The following LAMB3 variants were observed in gnomAD, a reference collection of about 807,000 sequenced individuals.
The protein encoded by LAMB3 is laminin subunit beta 3, also known as laminin subunit beta-3.
LAMB3 carries 104 observed loss-of-function variants against 140.3 expected under a neutral mutation model. That is an observed-to-expected ratio of 0.74 (90% CI 0.63 to 0.87). The LOEUF (loss-of-function observed/expected upper bound fraction) is 0.87, where lower values mean the gene tolerates loss of function less well. Ranked by LOEUF, LAMB3 falls within the 40% of genes least tolerant of loss-of-function variation. The pLI is 0.00. For synonymous variants in LAMB3, 592 were observed against 602.9 expected, an observed-to-expected ratio of 0.98 and a Z score of 0.26; for missense variants, 1,531 against 1,575.2, an observed-to-expected ratio of 0.97 and a Z score of 0.47.
rs761813776 is a variant in LAMB3, at chr1:209,623,405, CAG to C, written c.2358+98_2358+99del. 2.4e-6 allele frequency: 3 copies of C among 1,249,084 alleles called. No individual in the cohort carries two copies. The African/African-American group carries it at 4.4e-5, about 18-fold the overall frequency. 77.4% of individuals were successfully genotyped at this position (1,249,084 alleles called of 1,614,324 possible). On this transcript the variant is annotated intron_variant, in intron 16 of 22. Coordinates refer to ENST00000356082, the MANE Select transcript of LAMB3 (RefSeq NM_000228.3). The surrounding 1 kb of genome is among the most constrained non-coding windows in gnomAD (Gnocchi z 4.2). ...GATGGCTGGGGGAGTGGGGTTCTCACAGGGGCAGATCTGCCCTAATAGGAAGC... is the reference window on the plus strand; with the variant it reads ...GATGGCTGGGGGAGTGGGGTTCTCACGGGCAGATCTGCCCTAATAGGAAGC...
At position 209,626,885 on chromosome 1, in the gene LAMB3, C is replaced by T. The variant is rs2076349; in HGVS notation, c.1579G>A (p.Val527Met). 0.07 allele frequency: 112,210 copies of T among 1,613,446 alleles called. 14,383 individuals carry two copies. The highest frequency in any genetic ancestry group is 0.58 in the East Asian group (25,850 of 44,838). Residue 527 changes from valine (V) to methionine (M), a missense_variant, in exon 13 of 23, where the codon GTG (valine) becomes ATG (methionine). Physicochemically the swap from Val to Met is conservative, Grantham distance 21 (BLOSUM62 1). Transcript: ENST00000356082. ...RQCPDRTYGD[V>M]ATGCRACDCD... ...CATGCACCTCGGCATCCTGTGGCCA[C>T]GTCTCCATAGGTCCGGTCTGGACAC...
intron 3 of LAMB3, among the ~76,000 whole-genome samples, chr1:209,649,116 G>A (rs2298926): frequency 0.58 from 87,613 of 152,018 alleles, 25,751 homozygotes; most frequent in Middle Eastern, 0.64. Flanking sequence ...AGGGCAGTGA[G>A]GCCCAGAGGC....
At position 209,625,918 on chromosome 1, in the gene LAMB3, C is replaced by T. The variant is rs368764676; in HGVS notation, c.1706G>A (p.Arg569Gln). 8.1e-5 allele frequency: 130 copies of T among 1,613,814 alleles called. No homozygotes were observed. Among genetic ancestry groups the T allele is most frequent in the Middle Eastern group, 1.6e-4 (1 of 6,062 alleles). The change falls in exon 14 of 23, where the codon CGA becomes CAA. Residue 569 changes from arginine (R) to glutamine (Q), a missense_variant. Arg to Gln is a conservative substitution (Grantham distance 43). Coordinates refer to ENST00000356082, the MANE Select transcript of LAMB3 (RefSeq NM_000228.3). ...LTGPRCDQCQRGYCNRYPVCV... is the reference protein window; with the variant it reads ...LTGPRCDQCQQGYCNRYPVCV... ...CACCGGGTAGCGATTACAGTAGCCTCGCTGGCACTGGTCACAGCGGGGCCC... is the reference window on the plus strand; with the variant it reads ...CACCGGGTAGCGATTACAGTAGCCTTGCTGGCACTGGTCACAGCGGGGCCC...
intron 6 of LAMB3, among the ~76,000 whole-genome samples, chr1:209,633,762 C>T (rs75832978): frequency 6.7e-4 from 102 of 152,298 alleles, no homozygotes; most frequent in African/African-American, 2.3e-3. Context: ...CTCTGAGCAT[C>T]GGTCCACATG....
At chr1:209,640,906 C>A (rs1293188756) in intron 3 of LAMB3, among the ~76,000 whole-genome samples, 1 of 151,666 alleles carries the variant, frequency 6.6e-6, no homozygotes, top group East Asian at 1.9e-4. Flanking sequence ...ACAGTGAAAC[C>A]CCCTCTCTAC....
Position 209,632,619 on chromosome 1 carries a change from CT to C in LAMB3, c.785del (p.Lys262SerfsTer134). 1 of 1,614,084 alleles carries C rather than the reference CT, an allele frequency of 6.2e-7. No homozygotes were observed. Among genetic ancestry groups the C allele is most frequent in the Non-Finnish European group, 8.5e-7 (1 of 1,179,958 alleles). On this transcript the variant is annotated frameshift_variant, in exon 8 of 23. Transcript: ENST00000356082. LOFTEE classifies it high-confidence loss of function. ...CHGHADRCAPKPGASAGPSTA... is the reference protein window; with the variant it reads ...CHGHADRCAPXPGASAGPSTA... ...TGGAGGGGCCTGCAGAGGCCCCAGG[CT>C]TGGGTGCGCAGCGATCAGCATGGCC...
intron 13 of LAMB3, 50 bp downstream of exon 13, chr1:209,626,817 G>T: frequency 1.4e-6 from 2 of 1,393,584 alleles, no homozygotes; most frequent in Non-Finnish European, 2.0e-6. Flanking sequence ...GTGCCCACCC[G>T]CGTGCTCGGC....
At chr1:209,642,318 A>G (rs1273000870) in intron 3 of LAMB3, among the ~76,000 whole-genome samples, 1 of 152,196 alleles carries the variant, frequency 6.6e-6, no homozygotes, top group Non-Finnish European at 1.5e-5. Flanking sequence ...ATACACCAAT[A>G]TATTAAGTGA....
chr1:209,623,851 G>A lies in LAMB3; in HGVS notation c.2126C>T (p.Ala709Val), dbSNP rs763198922. The A allele has an allele frequency of 6.2e-7, 1 of 1,614,202 alleles. No individual in the cohort carries two copies. Among genetic ancestry groups the A allele is most frequent in the South Asian group, 1.1e-5 (1 of 91,086 alleles). The change falls in exon 15 of 23, where the codon GCT (alanine) becomes GTT (valine). Residue 709 changes from alanine to valine, a missense_variant. By Grantham distance (64) the Ala-to-Val change is moderately conservative. Coordinates refer to ENST00000356082, the MANE Select transcript of LAMB3 (RefSeq NM_000228.3). The surrounding 1 kb of genome is among the most constrained non-coding windows in gnomAD (Gnocchi z 4.2). The part of the protein sequence containing the change: ...KREQFEKISS[A>V]DPSGAFRMLS... Reference sequence around the variant, plus strand: ...GCCCCTCTCCTCACCTGAAGGATCAGCACTGCTTATTTTTTCAAACTGCTC... The same window carrying A: ...GCCCCTCTCCTCACCTGAAGGATCAACACTGCTTATTTTTTCAAACTGCTC...
intron 6 of LAMB3, among the ~76,000 whole-genome samples, 180 bp from the exon 7 acceptor site, chr1:209,633,313 C>T (rs576879086): frequency 6.6e-6 from 1 of 152,212 alleles, no homozygotes; most frequent in East Asian, 1.9e-4. Flanking sequence ...GATCACTGGG[C>T]CCTAAACGTG....
Position 209,650,012 on chromosome 1 carries a change from A to G in LAMB3, c.135T>C (p.Ser45=), listed in dbSNP as rs1409801812. 3.1e-6 allele frequency: 5 copies of G among 1,614,088 alleles called. No individual in the cohort carries two copies. The highest frequency in any genetic ancestry group is 2.2e-5 in the East Asian group (1 of 44,870). The change falls in exon 3 of 23, where the codon TCT becomes TCC. Residue 45 remains serine (S), a synonymous_variant. Transcript: ENST00000356082. ...VGRTRFLRAS[S]TCGLTKPETY... ...TCTCAGGCTTGGTCAGTCCACAGGTAGATGAAGCTCGGAGAAACCGGGTCC... is the reference window on the plus strand; with the variant it reads ...TCTCAGGCTTGGTCAGTCCACAGGTGGATGAAGCTCGGAGAAACCGGGTCC...
intron 8 of LAMB3, 87 bp downstream of exon 8, chr1:209,632,496 C>G: frequency 1.9e-6 from 2 of 1,062,602 alleles, no homozygotes; most frequent in Middle Eastern, 2.9e-4. Context: ...ATTTAGTGCC[C>G]TTCCTGCTTT....
intron 20 of LAMB3, 31 bp from the exon 21 acceptor site, chr1:209,617,617 T>C (rs755328738): frequency 1.9e-6 from 3 of 1,612,330 alleles, no homozygotes; most frequent in South Asian, 1.1e-5. Context: ...CTGGCCTTTG[T>C]GGTGGGTCTC....
At position 209,632,682 on chromosome 1, in the gene LAMB3, C is replaced by G; in HGVS notation, c.723G>C (p.Val241=). 2 of 1,614,200 alleles carry G rather than the reference C, an allele frequency of 1.2e-6. No homozygotes were observed. Among genetic ancestry groups the G allele is most frequent in the South Asian group, 2.2e-5 (2 of 91,090 alleles). The change falls in exon 8 of 23, where the codon GTG becomes GTC. Residue 241 remains valine (V), a synonymous_variant. Coordinates refer to ENST00000356082, the MANE Select transcript of LAMB3 (RefSeq NM_000228.3). ...AGCTCCCCTGCAGACGGAGCTGGGA[C>G]ACAGCATAGTAGGCGCTGGGAGGGT... ...GYHPPSAYYA[V]SQLRLQGSCF... is the part of the protein sequence containing the mutation.
intron 19 of LAMB3, among the ~76,000 whole-genome samples, 178 bp from the exon 20 acceptor site, chr1:209,618,226 TG>T (rs1666055314): frequency 6.6e-6 from 1 of 152,220 alleles, no homozygotes; most frequent in African/African-American, 2.4e-5. Flanking sequence ...ACGTGATGAA[TG>T]TTCCCATTAT....
chr1:209,638,713 T>G (rs1004134606), intron 3 of LAMB3, 65 bp from the exon 4 acceptor site: 4 of 1,020,182 alleles, frequency 3.9e-6, no homozygotes, highest in Non-Finnish European at 6.2e-6. Context: ...CCTTGCGTCC[T>G]GAGATCCCAG....
chr1:209,651,226 C>G (rs1017977444), intron 1 of LAMB3: 27 of 501,646 alleles, frequency 5.4e-5, no homozygotes, highest in Non-Finnish European at 9.4e-5. Flanking sequence ...CAGACTCCAG[C>G]TTCCTCCTCT....
At chr1:209,630,846 T>C in intron 8 of LAMB3, 111 bp from the exon 9 acceptor site, 1 of 1,240,204 alleles carries the variant, frequency 8.1e-7, no homozygotes, top group Non-Finnish European at 1.1e-6. Context: ...CTGGCTTAGA[T>C]CCCAACCCTT....
In LAMB3 at chr1:209,629,737, A is replaced by C. The variant is rs1558157072; in HGVS notation, c.1132T>G (p.Ser378Ala). ...PGASIQETCI[S>A]CECDPDGAVP... ...CTGGGACTCCGGAGCCTCTACTCAC[A>C]GATGCAGGTCTCCTGAATGGAAGCT... The change falls in exon 10 of 23, where the codon TCC (serine) becomes GCC (alanine). Residue 378 changes from serine (S) to alanine (A), a missense_variant and splice_region_variant. Coordinates refer to ENST00000356082, the MANE Select transcript of LAMB3 (RefSeq NM_000228.3). The C allele has an allele frequency of 4.3e-6, 7 of 1,614,018 alleles. No homozygotes were observed.
Sources: gnomAD v4.1 joint callset for allele counts (sites outside exome capture counted in the v4.1 genomes callset) on GRCh38, gnomAD v4.1.1 for gene constraint, Gnocchi (gnomAD v3.1) non-coding constraint, MANE v1.5 for transcripts, NCBI Gene and HGNC (gene_info 2026-07-23, HGNC 2026-07-21) for gene names.